Variants in SLC9C1 observed in about 807,000 individuals in gnomAD.
SLC9C1 encodes the protein solute carrier family 9 member C1.
SLC9C1 carries 97 observed loss-of-function variants against 140.9 expected under a neutral mutation model. The ratio of observed to expected loss-of-function variants is 0.69; its 90% CI spans 0.58 to 0.82. The LOEUF (loss-of-function observed/expected upper bound fraction) is 0.82, where lower values mean the gene tolerates loss of function less well. SLC9C1 is among the 40% of genes least tolerant of loss of function. The pLI, the probability that SLC9C1 is intolerant of heterozygous loss-of-function variation, is 0.00. For synonymous variants in SLC9C1, 440 were observed against 442.6 expected (o/e 0.99, Z 0.07); for missense variants, 1,340 against 1,389.3 (o/e 0.96, Z 0.56).
At chr3:112,211,165 T>A (rs913071383) in intron 15 of SLC9C1, among the ~76,000 whole-genome samples, 3 of 152,208 alleles carry the variant, frequency 2.0e-5, no homozygotes, top group Non-Finnish European at 4.4e-5. Context: ...GCAAAAATTT[T>A]TAAAAAGAAA....
chr3:112,228,435 G>T (rs1444897566), intron 13 of SLC9C1, among the ~76,000 whole-genome samples: 2 of 151,984 alleles, frequency 1.3e-5, no homozygotes, highest in East Asian at 3.9e-4. Context: ...ACCACTAGAA[G>T]AAAACGGAGG....
At chr3:112,243,876 A>T (rs2079203338) in intron 11 of SLC9C1, 119 bp downstream of exon 11, 1 of 618,024 alleles carries the variant, frequency 1.6e-6, no homozygotes, top group Non-Finnish European at 2.6e-6. Flanking sequence ...CTTTTTGTAG[A>T]GACGGGGGTC....
intron 28 of SLC9C1, among the ~76,000 whole-genome samples, chr3:112,146,218 A>C (rs931845325): frequency 1.3e-5 from 2 of 151,112 alleles, no homozygotes; most frequent in African/African-American, 4.9e-5. Context: ...TTTTTTTTTA[A>C]TCTAGCTAGT....
chr3:112,239,877 A>G lies in SLC9C1; in HGVS notation c.1409T>C (p.Met470Thr), dbSNP rs531199876. The change falls in exon 12 of 29, where the codon ATG becomes ACG. Residue 470 changes from methionine (M) to threonine (T), a missense_variant. By Grantham distance (81) the Met-to-Thr change is moderately conservative. Coordinates refer to ENST00000305815, the MANE Select transcript of SLC9C1 (RefSeq NM_183061.3). ...DKDLANADWN[M>T]IEKAITLENP... ...TTCAAGTGTAATTGCTTTCTCAATC[A>G]TGTTCCAATCAGCATTAGCAAGATC... The G allele has an allele frequency of 6.2e-7, 1 of 1,613,548 alleles. No individual in the cohort carries two copies. The highest frequency in any genetic ancestry group is 8.5e-7 in the Non-Finnish European group (1 of 1,179,870).
At chr3:112,290,587 T>A (rs1488947183) in intron 1 of SLC9C1, among the ~76,000 whole-genome samples, 1 of 152,054 alleles carries the variant, frequency 6.6e-6, no homozygotes, top group East Asian at 1.9e-4. Context: ...GCCTGCTGAG[T>A]TTAGGTCCTG....
chr3:112,211,261 T>G (rs2108075636), intron 15 of SLC9C1, among the ~76,000 whole-genome samples: 1 of 152,358 alleles, frequency 6.6e-6, no homozygotes, highest in African/African-American at 2.4e-5. Context: ...ACAGCTCCAG[T>G]CTACAGCTCC....
intron 26 of SLC9C1, among the ~76,000 whole-genome samples, chr3:112,159,132 T>C (rs2075213716): frequency 6.6e-6 from 1 of 151,800 alleles, no homozygotes; most frequent in Admixed American, 6.6e-5. Context: ...TGGGTATTTA[T>C]TGCTATAGAC....
intron 12 of SLC9C1, among the ~76,000 whole-genome samples, chr3:112,235,937 T>G (rs1012435145): frequency 1.3e-5 from 2 of 152,164 alleles, no homozygotes; most frequent in African/African-American, 4.8e-5. Flanking sequence ...TCTTGTTTTT[T>G]GTTGTGTCTC....
At chr3:112,188,240 TTTA>T (rs1490277931) in intron 20 of SLC9C1, among the ~76,000 whole-genome samples, 1 of 152,118 alleles carries the variant, frequency 6.6e-6, no homozygotes, top group Non-Finnish European at 1.5e-5. Flanking sequence ...TTTTAATTTT[TTTA>T]TTATTATTAT....
At chr3:112,245,423 A>G (rs1050190944) in intron 10 of SLC9C1, among the ~76,000 whole-genome samples, 1 of 151,622 alleles carries the variant, frequency 6.6e-6, no homozygotes, top group African/African-American at 2.4e-5. Context: ...GTAAAAATAG[A>G]GTTTTTCTTT....
At chr3:112,153,637 A>G (rs1176140645) in intron 27 of SLC9C1, among the ~76,000 whole-genome samples, 1 of 152,228 alleles carries the variant, frequency 6.6e-6, no homozygotes, top group Non-Finnish European at 1.5e-5. Flanking sequence ...GTTTGTGCCA[A>G]GGACTGTGCA....
chr3:112,173,583 C>T (rs2077284497), intron 23 of SLC9C1, among the ~76,000 whole-genome samples: 2 of 152,138 alleles, frequency 1.3e-5, no homozygotes, highest in Admixed American at 1.3e-4. Flanking sequence ...GTGTCCACCT[C>T]CATCTATGTT....
intron 12 of SLC9C1, among the ~76,000 whole-genome samples, chr3:112,235,396 A>G (rs1032388952): frequency 1.1e-4 from 17 of 150,822 alleles, no homozygotes; most frequent in Admixed American, 4.0e-4. Flanking sequence ...GGGTTTTCTA[A>G]ATATACAATC....
At chr3:112,248,218 A>G (rs1183202317) in intron 10 of SLC9C1, among the ~76,000 whole-genome samples, 1 of 152,124 alleles carries the variant, frequency 6.6e-6, no homozygotes, top group Non-Finnish European at 1.5e-5. Flanking sequence ...GAATCTTGTC[A>G]ACAAAACCAC....
chr3:112,257,167 A>C (rs1361553661), intron 10 of SLC9C1, among the ~76,000 whole-genome samples: 1 of 152,192 alleles, frequency 6.6e-6, no homozygotes, highest in African/African-American at 2.4e-5. Context: ...TTATCAAACT[A>C]ACAATGACAT....
At chr3:112,215,876 A>G (rs1455208664) in intron 15 of SLC9C1, among the ~76,000 whole-genome samples, 1 of 152,204 alleles carries the variant, frequency 6.6e-6, no homozygotes, top group East Asian at 1.9e-4. Context: ...ATATGGAACC[A>G]AAAAAGAGCC....
rs112343617 is a variant in SLC9C1, at chr3:112,202,262, T to C, written c.2310A>G (p.Lys770=). 4.4e-3 allele frequency: 7,126 copies of C among 1,610,582 alleles called. 44 individuals are homozygous for C. The highest frequency in any genetic ancestry group is 0.029 in the Middle Eastern group (172 of 5,958). ...MTIIDQITSS[K]QIKQMLLKQV... is the part of the protein sequence containing the mutation. Reference sequence around the variant, plus strand: ...AAGGTTTTCTTACCTGTTTAATCTGTTTAGAACTTGTAATCTGATCAATTA... The same window carrying C: ...AAGGTTTTCTTACCTGTTTAATCTGCTTAGAACTTGTAATCTGATCAATTA... The change falls in exon 18 of 29, where the codon AAA becomes AAG. Residue 770 remains lysine (K), a synonymous_variant. Transcript: ENST00000305815.
intron 10 of SLC9C1, among the ~76,000 whole-genome samples, chr3:112,244,774 C>T (rs2079233105): frequency 6.6e-6 from 1 of 152,098 alleles, no homozygotes; most frequent in Admixed American, 6.6e-5. Flanking sequence ...GTTCTGTATC[C>T]ACAGATGGAA....
chr3:112,162,332 C>G (rs1270254088), intron 26 of SLC9C1, among the ~76,000 whole-genome samples: 1 of 152,134 alleles, frequency 6.6e-6, no homozygotes, highest in Non-Finnish European at 1.5e-5. Context: ...TGAGAGAGGG[C>G]ATCCCTGTCT....
Sources: allele counts gnomAD v4.1 joint callset (sites outside exome capture counted in the v4.1 genomes callset), GRCh38; gene constraint gnomAD v4.1.1; transcripts MANE v1.5; gene names NCBI Gene and HGNC (gene_info 2026-07-23, HGNC 2026-07-21).